The following HIBCH variants were observed in gnomAD, a reference collection of about 807,000 sequenced individuals.
The protein encoded by HIBCH is 3-hydroxyisobutyryl-CoA hydrolase, also known as 3-hydroxyisobutyryl-CoA hydrolase, mitochondrial.
A neutral mutation model predicts 58.2 loss-of-function variants in HIBCH; 50 were observed. The ratio of observed to expected loss-of-function variants is 0.86; its 90% CI spans 0.68 to 1.09. The LOEUF (loss-of-function observed/expected upper bound fraction) is 1.09. Among genes scored for constraint, HIBCH ranks in the 50% least tolerant of loss-of-function variants. The pLI is 0.00. For synonymous variants in HIBCH, 151 were observed against 146.9 expected, an observed-to-expected ratio of 1.03 and a Z score of -0.20; for missense variants, 450 against 449.7, an observed-to-expected ratio of 1.00 and a Z score of -0.01.
intron 11 of HIBCH, among the ~76,000 whole-genome samples, chr2:190,234,655 G>A (rs1686209700): frequency 6.6e-6 from 1 of 152,072 alleles, no homozygotes; most frequent in Non-Finnish European, 1.5e-5. Context: ...TTCAAGACCA[G>A]CCTGACTAAT....
chr2:190,314,327 ATG>A (rs1491287406), intron 1 of HIBCH, among the ~76,000 whole-genome samples: 9 of 2,402 alleles, frequency 3.7e-3, no homozygotes, highest in Non-Finnish European at 0.016. Flanking sequence ...ATATGTATAT[ATG>A]TATATATACA....
rs1194944647 is a variant in HIBCH at position 190,216,834 on chromosome 2, G to C, written c.892-3759C>G. Among the ~76,000 whole-genome samples the C allele has an allele frequency of 1.3e-5, 2 of 152,178 alleles. No homozygotes were observed. Among genetic ancestry groups the C allele is most frequent in the African/African-American group, 4.8e-5 (2 of 41,456 alleles). ...CCCAGAGCTTGGCTGGGCTGGGGGA[G>C]GATCCCTGCAGCTGAGGAGGAGGAA... On this transcript the variant is annotated intron_variant, in intron 11 of 13. Transcript: ENST00000359678. The surrounding 1 kb of genome is among the most constrained non-coding windows in gnomAD (Gnocchi z 4.2).
chr2:190,226,104 A>C (rs757043299), intron 11 of HIBCH, among the ~76,000 whole-genome samples: 1 of 152,262 alleles, frequency 6.6e-6, no homozygotes, highest in Non-Finnish European at 1.5e-5. Context: ...GATGCGACGT[A>C]TCTCAAAATA....
Position 190,304,694 on chromosome 2 carries a change from A to C in HIBCH, c.78+6060T>G, listed in dbSNP as rs1688358709. The stretch of plus-strand genomic sequence containing the variant: ...AGGGCTGCCATAACAAAGTACCACA[A>C]ATTAAATGGCTTAAACAACACAAAC... On this transcript the variant is annotated intron_variant, in intron 2 of 13. Coordinates refer to ENST00000359678, the MANE Select transcript of HIBCH (RefSeq NM_014362.4). This position sits in a 1 kb window ranked among gnomAD's most constrained non-coding sequence, Gnocchi z 4.1. 6.6e-6 allele frequency among the ~76,000 whole-genome samples: 1 copy of C among 152,236 alleles called. No homozygotes were observed. Among genetic ancestry groups the C allele is most frequent in the Admixed American group, 6.5e-5 (1 of 15,290 alleles).
Position 190,193,442 on chromosome 2 carries a change from CTCTT to C in HIBCH, c.*18-3449_*18-3446del, listed in dbSNP as rs1253751007. Among the ~76,000 whole-genome samples the C allele has an allele frequency of 4.6e-5, 7 of 152,200 alleles. No homozygotes were observed. The East Asian group carries it at 5.8e-4, about 13-fold the overall frequency. ...GAATAATTCGGGAAATCTTTCTTTC[CTCTT>C]TCTCTCTTTTCTGAAGAGTTTAGAT... is the stretch of plus-strand genomic sequence containing the variant. On this transcript the variant is annotated intron_variant, in intron 1 of 1. Coordinates refer to the HIBCH transcript ENST00000399855.
At chr2:190,235,915 T>G (rs910866660) in intron 11 of HIBCH, among the ~76,000 whole-genome samples, 4 of 152,244 alleles carry the variant, frequency 2.6e-5, no homozygotes, top group African/African-American at 9.6e-5. Flanking sequence ...GAACAGATAC[T>G]GGATTGTCAT....
intron 6 of HIBCH, among the ~76,000 whole-genome samples, chr2:190,263,637 T>C (rs1023721303): frequency 6.6e-6 from 1 of 152,162 alleles, no homozygotes; most frequent in Non-Finnish European, 1.5e-5. Flanking sequence ...CTATTTAACG[T>C]CTCGTCTTGA....
rs570630885 is a variant in HIBCH at position 190,306,864 on chromosome 2, T to G, written c.78+3890A>C. Among the ~76,000 whole-genome samples the G allele has an allele frequency of 1.4e-4, 22 of 152,258 alleles. No individual in the cohort carries two copies. The highest frequency in any genetic ancestry group is 5.3e-4 in the African/African-American group (22 of 41,550). On this transcript the variant is annotated intron_variant, in intron 2 of 13. Transcript: ENST00000359678. This position sits in a 1 kb window ranked among gnomAD's most constrained non-coding sequence, Gnocchi z 4.6. Reference sequence around the variant, plus strand: ...ATTAACGCCCTTATAAAAGAAACCCTGGAGAGCTTCTTCACCCCTTCTACC... The same window carrying G: ...ATTAACGCCCTTATAAAAGAAACCCGGGAGAGCTTCTTCACCCCTTCTACC...
chr2:190,272,361 A>C (rs1559045950), intron 6 of HIBCH, among the ~76,000 whole-genome samples: 1 of 152,206 alleles, frequency 6.6e-6, no homozygotes, highest in East Asian at 1.9e-4. Flanking sequence ...ATGAGCCTCT[A>C]GTTAGTTTCG....
chr2:190,255,221 T>C (rs78724595), intron 7 of HIBCH, among the ~76,000 whole-genome samples: 10,881 of 152,276 alleles, frequency 0.071, 594 homozygotes, highest in Non-Finnish European at 0.11. Flanking sequence ...GAGGCCCCCA[T>C]GTACCCTTTT....
intron 13 of HIBCH, 185 bp downstream of exon 13, chr2:190,208,695 A>G: frequency 3.8e-6 from 2 of 523,706 alleles, no homozygotes; most frequent in Non-Finnish European, 6.7e-6. Flanking sequence ...CAGATTTTGG[A>G]ATATTTGCAT....
chr2:190,273,077 C>A (rs1043426161), intron 6 of HIBCH, among the ~76,000 whole-genome samples: 1 of 152,040 alleles, frequency 6.6e-6, no homozygotes, highest in Non-Finnish European at 1.5e-5. Flanking sequence ...TGAAATTTTA[C>A]TATAAGAAAC....
intron 5 of HIBCH, among the ~76,000 whole-genome samples, chr2:190,287,839 T>C (rs140832111): frequency 9.2e-5 from 14 of 152,292 alleles, no homozygotes; most frequent in African/African-American, 3.1e-4. Context: ...TCATTATCAT[T>C]TAACAACTTA....
rs1685587841 is a variant in HIBCH at position 190,217,439 on chromosome 2, A to G, written c.892-4364T>C. On this transcript the variant is annotated intron_variant, in intron 11 of 13. Coordinates refer to ENST00000359678, the MANE Select transcript of HIBCH (RefSeq NM_014362.4). This position sits in a 1 kb window ranked among gnomAD's most constrained non-coding sequence, Gnocchi z 4.6. ...ATGGAGGTTGCAGTGAGTTGAGATC[A>G]CACACTGCACTCCAGCCTGGGCGAC... 6.6e-6 allele frequency among the ~76,000 whole-genome samples: 1 copy of G among 152,144 alleles called. No individual in the cohort carries two copies. The highest frequency in any genetic ancestry group is 1.5e-5 in the Non-Finnish European group (1 of 68,018).
chr2:190,205,279 A>G, intron 13 of HIBCH, 47 bp from the exon 14 acceptor site: 1 of 1,049,724 alleles, frequency 9.5e-7, no homozygotes, highest in Non-Finnish European at 1.5e-6. Flanking sequence ...TTTGTCTAAT[A>G]TTGCTAGATT....
rs940780787 is a variant in HIBCH, at chr2:190,268,701, G to A, written c.439-7467C>T. Reference sequence around the variant, plus strand: ...AATCTGCAACTAGGAATCAGCACTTGCTCCCATATTTCCAGATATTACTAT... The same window carrying A: ...AATCTGCAACTAGGAATCAGCACTTACTCCCATATTTCCAGATATTACTAT... On this transcript the variant is annotated intron_variant, in intron 6 of 13. Transcript: ENST00000359678. 2.6e-5 allele frequency among the ~76,000 whole-genome samples: 4 copies of A among 152,290 alleles called. No individual in the cohort carries two copies. In the South Asian group the frequency reaches 6.2e-4, roughly 24 times the overall value.
chr2:190,295,094 T>C (rs1159109416), intron 3 of HIBCH, among the ~76,000 whole-genome samples: 1 of 152,156 alleles, frequency 6.6e-6, no homozygotes, highest in Admixed American at 6.5e-5. Context: ...CCACTTATAA[T>C]ATAAAAAATC....
intron 2 of HIBCH, among the ~76,000 whole-genome samples, chr2:190,308,595 T>TC (rs891409704): frequency 8.5e-5 from 13 of 152,276 alleles, no homozygotes; most frequent in African/African-American, 3.1e-4. Context: ...CCACATGATG[T>TC]CCTATACCGC....
intron 11 of HIBCH, among the ~76,000 whole-genome samples, chr2:190,232,708 C>G (rs1285169604): frequency 6.6e-6 from 1 of 152,130 alleles, no homozygotes; most frequent in Non-Finnish European, 1.5e-5. Flanking sequence ...CCTGTAATCC[C>G]AGCACTTTGG....
Sources: gnomAD v4.1 joint callset for allele counts (sites outside exome capture counted in the v4.1 genomes callset) on GRCh38, gnomAD v4.1.1 for gene constraint, Gnocchi (gnomAD v3.1) non-coding constraint, MANE v1.5 for transcripts, NCBI Gene and HGNC (gene_info 2026-07-23, HGNC 2026-07-21) for gene names.